RBFOX2: variants seen among roughly 807,000 people sequenced by gnomAD.
The protein encoded by RBFOX2 is RNA binding fox-1 homolog 2, also known as RNA binding protein fox-1 homolog 2.
A neutral mutation model predicts 49.1 loss-of-function variants in RBFOX2; 10 were observed. That is an observed-to-expected ratio of 0.20 (90% CI 0.13 to 0.35). RBFOX2 has a LOEUF of 0.35. Among genes scored for constraint, RBFOX2 ranks in the 10% least tolerant of loss-of-function variants. RBFOX2 has a pLI of 1.00. For synonymous variants in RBFOX2, 183 were observed against 187.4 expected, an observed-to-expected ratio of 0.98 and a Z score of 0.19; for missense variants, 323 against 486.9, an observed-to-expected ratio of 0.66 and a Z score of 3.17.
At chr22:36,008,643 C>A (rs553946004) in intron 1 of RBFOX2, among the ~76,000 whole-genome samples, 23 of 152,030 alleles carry the variant, frequency 1.5e-4, no homozygotes, top group Admixed American at 1.2e-3. Context: ...ACAGTGAAAC[C>A]CCACCTCTAC....
intron 1 of RBFOX2, among the ~76,000 whole-genome samples, chr22:35,924,772 T>G (rs2051425403): frequency 6.6e-6 from 1 of 152,242 alleles, no homozygotes; most frequent in African/African-American, 2.4e-5. Context: ...GTGCAAAGTA[T>G]TCAAGAAAAC....
intron 1 of RBFOX2, among the ~76,000 whole-genome samples, chr22:35,832,684 T>C (rs549178497): frequency 4.0e-5 from 6 of 151,804 alleles, no homozygotes; most frequent in Admixed American, 3.3e-4. Context: ...ATTACAAAAT[T>C]AGCCAGGTGT....
At chr22:35,900,396 G>A (rs1048950087) in intron 1 of RBFOX2, among the ~76,000 whole-genome samples, 14 of 151,878 alleles carry the variant, frequency 9.2e-5, no homozygotes, top group Admixed American at 7.9e-4. Flanking sequence ...TAGGTATACC[G>A]GGGGAGCCAG....
At chr22:35,893,907 C>T (rs1027588127) in intron 1 of RBFOX2, among the ~76,000 whole-genome samples, 11 of 152,020 alleles carry the variant, frequency 7.2e-5, no homozygotes, top group African/African-American at 2.7e-4. Context: ...AAGAGCATCA[C>T]ATCTAGTAGG....
intron 1 of RBFOX2, among the ~76,000 whole-genome samples, chr22:35,885,264 G>C (rs968619717): frequency 2.6e-5 from 4 of 152,084 alleles, no homozygotes; most frequent in African/African-American, 9.7e-5. Context: ...GGCATCTACT[G>C]TACTGTTTAG....
intron 1 of RBFOX2, among the ~76,000 whole-genome samples, chr22:35,894,600 C>T (rs763486022): frequency 9.2e-5 from 14 of 152,020 alleles, no homozygotes; most frequent in Middle Eastern, 3.2e-3. Flanking sequence ...TCAGCCCTTG[C>T]GCCTAAGTCT....
intron 1 of RBFOX2, among the ~76,000 whole-genome samples, chr22:35,919,554 G>A (rs1440913704): frequency 2.0e-5 from 3 of 151,552 alleles, no homozygotes; most frequent in Admixed American, 2.0e-4. Flanking sequence ...AGAAAAAGAA[G>A]TGATAACTAC....
At chr22:35,995,248 T>A (rs2058141494) in intron 1 of RBFOX2, 1 of 152,188 alleles carries the variant, frequency 6.6e-6, no homozygotes, top group South Asian at 2.1e-4. Flanking sequence ...ACAGGCTACA[T>A]CCATTTGAAA....
At chr22:36,006,263 A>G (rs2058614671) in intron 1 of RBFOX2, among the ~76,000 whole-genome samples, 1 of 152,222 alleles carries the variant, frequency 6.6e-6, no homozygotes, top group Non-Finnish European at 1.5e-5. Flanking sequence ...CATGGTAGAA[A>G]GTGCTTCATG....
At chr22:36,026,847 CAACA>C (rs2059457609) in intron 1 of RBFOX2, among the ~76,000 whole-genome samples, 1 of 152,180 alleles carries the variant, frequency 6.6e-6, no homozygotes, top group Non-Finnish European at 1.5e-5. Flanking sequence ...AAGAAGCATA[CAACA>C]AACATGCTAG....
At chr22:36,028,259 T>A in exon 1 of RBFOX2, 1 of 1,530,522 alleles carries the variant, frequency 6.5e-7, no homozygotes, top group South Asian at 1.2e-5. Context: ...GCCGCCACCG[T>A]CGGCCGCCGC....
chr22:35,810,028 A>G, intron 1 of RBFOX2, 24 bp from the exon 3 acceptor site: 1 of 1,608,908 alleles, frequency 6.2e-7, no homozygotes, highest in Non-Finnish European at 8.5e-7. Context: ...CAAGAGAAAG[A>G]AAAAGTGACT....
intron 1 of RBFOX2, among the ~76,000 whole-genome samples, chr22:35,896,059 T>C (rs543394381): frequency 6.6e-6 from 1 of 152,308 alleles, no homozygotes; most frequent in East Asian, 1.9e-4. Context: ...ACGTGTTCCT[T>C]GCTTCCCCGA....
intron 1 of RBFOX2, among the ~76,000 whole-genome samples, chr22:35,825,220 T>G (rs1569281962): frequency 6.6e-6 from 1 of 152,054 alleles, no homozygotes; most frequent in South Asian, 2.1e-4. Flanking sequence ...AAGATAAAAT[T>G]TTGGGAAGCC....
chr22:35,915,303 G>C (rs1258433035), intron 1 of RBFOX2, among the ~76,000 whole-genome samples: 1 of 152,180 alleles, frequency 6.6e-6, no homozygotes, highest in Non-Finnish European at 1.5e-5. Context: ...TATTAATCCA[G>C]GACGGGGCCA....
rs527692299 is a variant in RBFOX2 at position 36,004,188 on chromosome 22, G to GA, written c.186+24051_186+24052insT. On this transcript the variant is annotated intron_variant, in intron 1 of 13. Coordinates refer to the RBFOX2 transcript ENST00000438146. ...ATGACTTTCTCCCAATTTGCCCAGA[G>GA]TTTCAATGCTTAGGCCTAGATCGTT... 5.3e-4 allele frequency among the ~76,000 whole-genome samples: 80 copies of GA among 152,254 alleles called. 1 individual carries two copies. The highest frequency in any genetic ancestry group is 3.5e-3 in the South Asian group (17 of 4,824).
At chr22:35,856,629 GA>G (rs796462267) in intron 1 of RBFOX2, among the ~76,000 whole-genome samples, 10,254 of 135,074 alleles carry the variant, frequency 0.076, 583 homozygotes, top group African/African-American at 0.18. Context: ...GCCAGGAGGG[GA>G]AAAAAAAAAA....
intron 1 of RBFOX2, among the ~76,000 whole-genome samples, chr22:35,903,018 A>C (rs2149461764): frequency 6.6e-6 from 1 of 152,166 alleles, no homozygotes; most frequent in East Asian, 1.9e-4. Context: ...TCTTACCACT[A>C]AATCTAATGT....
At chr22:35,897,786 G>A (rs2048044044) in intron 1 of RBFOX2, 3 of 756,048 alleles carry the variant, frequency 4.0e-6, no homozygotes, top group Non-Finnish European at 7.4e-6. Context: ...CTCTTCCAAA[G>A]ATGTCCAACA....
Sources: gnomAD v4.1 joint callset for allele counts (sites outside exome capture counted in the v4.1 genomes callset) on GRCh38, gnomAD v4.1.1 for gene constraint, MANE v1.5 for transcripts, NCBI Gene and HGNC (gene_info 2026-07-23, HGNC 2026-07-21) for gene names.